The following TNIK variants were observed in gnomAD, a reference collection of about 807,000 sequenced individuals.
TNIK encodes the protein TRAF2 and NCK-interacting protein kinase.
In TNIK, 49 loss-of-function variants were observed where a neutral mutation model predicts 191.3. That is an observed-to-expected ratio of 0.26 (90% CI 0.20 to 0.32). TNIK has a LOEUF of 0.32. Ranked by LOEUF, TNIK falls within the 10% of genes least tolerant of loss-of-function variation. The probability of loss-of-function intolerance (pLI) is 1.00; values close to 1 mark genes in which losing one functional copy is unlikely to be tolerated. For synonymous variants in TNIK, 594 were observed against 600.9 expected, an observed-to-expected ratio of 0.99 and a Z score of 0.17; for missense variants, 1,155 against 1,702.3, an observed-to-expected ratio of 0.68 and a Z score of 5.66.
At chr3:171,283,157 C>CT (rs956338534) in intron 2 of TNIK, among the ~76,000 whole-genome samples, 8 of 134,764 alleles carry the variant, frequency 5.9e-5, no homozygotes, top group Non-Finnish European at 1.1e-4. Context: ...TTTATACCTA[C>CT]TTTAAAAAAA....
At chr3:171,311,758 A>AT (rs1754043185) in intron 2 of TNIK, among the ~76,000 whole-genome samples, 1 of 152,220 alleles carries the variant, frequency 6.6e-6, no homozygotes, top group Non-Finnish European at 1.5e-5. Context: ...GAGTGGAAGA[A>AT]TAGAACAAAT....
intron 2 of TNIK, among the ~76,000 whole-genome samples, chr3:171,316,151 C>G (rs1157636854): frequency 6.6e-6 from 1 of 152,142 alleles, no homozygotes; most frequent in African/African-American, 2.4e-5. Flanking sequence ...TGCCAGAAGA[C>G]TGTAAGCTCC....
chr3:171,388,796 A>C (rs10936680), intron 1 of TNIK, among the ~76,000 whole-genome samples: 75,597 of 152,068 alleles, frequency 0.5, 19,527 homozygotes, highest in African/African-American at 0.58. Context: ...TTTGTGTTCT[A>C]ACAGTATTTG....
At chr3:171,113,604 T>G (rs1176861059) in intron 18 of TNIK, among the ~76,000 whole-genome samples, 3 of 150,268 alleles carry the variant, frequency 2.0e-5, no homozygotes, top group Admixed American at 6.7e-5. Flanking sequence ...AGACTCTGTC[T>G]GTCTCGAAAA....
intron 2 of TNIK, among the ~76,000 whole-genome samples, chr3:171,297,080 G>T (rs1370375408): frequency 6.6e-6 from 1 of 152,114 alleles, no homozygotes; most frequent in East Asian, 1.9e-4. Context: ...CAAGATCCTA[G>T]GTATCTGGAC....
chr3:171,161,002 C>T (rs909236980), intron 11 of TNIK, among the ~76,000 whole-genome samples: 5 of 152,170 alleles, frequency 3.3e-5, no homozygotes, highest in African/African-American at 4.8e-5. Context: ...ACCCATTCTA[C>T]GTGTTACATA....
At chr3:171,132,973 T>TAACTTTTAA (rs983627436) in intron 15 of TNIK, among the ~76,000 whole-genome samples, 5 of 152,244 alleles carry the variant, frequency 3.3e-5, no homozygotes, top group African/African-American at 1.2e-4. Flanking sequence ...AGCCAGTAAG[T>TAACTTTTAA]AACTTTTAAG....
rs1314329677 is a variant in TNIK, at chr3:171,123,792, A to T, written c.2014-90T>A. Reference sequence around the variant, plus strand: ...ATCCTCCTTTCCAATGATTTGCCAGAAGCCACAGAAACTATCCGAAACAGT... The same window carrying T: ...ATCCTCCTTTCCAATGATTTGCCAGTAGCCACAGAAACTATCCGAAACAGT... On this transcript the variant is annotated intron_variant, in intron 17 of 32. Coordinates refer to ENST00000436636, the MANE Select transcript of TNIK (RefSeq NM_015028.4). 6.4e-6 allele frequency: 6 copies of T among 932,474 alleles called. No individual in the cohort carries two copies. The Admixed American group carries it at 1.3e-4, about 21-fold the overall frequency. 57.8% of individuals were successfully genotyped at this position (932,474 alleles called of 1,614,324 possible).
chr3:171,194,453 T>A, intron 5 of TNIK, 72 bp downstream of exon 5: 1 of 1,345,876 alleles, frequency 7.4e-7, no homozygotes, highest in Non-Finnish European at 1.0e-6. Context: ...AGAAAAAAAT[T>A]CAATCCCTCA....
rs562382297 is a variant in TNIK, at chr3:171,170,090, A to T, written c.774-2820T>A. Among the ~76,000 whole-genome samples the T allele has an allele frequency of 2.0e-5, 3 of 152,364 alleles. No individual in the cohort carries two copies. The South Asian group carries it at 6.2e-4, about 32-fold the overall frequency. On this transcript the variant is annotated intron_variant, in intron 9 of 32. Transcript: ENST00000436636. ...GTTTGCTGAGTGTTCTAATGAGTTT[A>T]AAGTACATTTATATAACTTTATTGC...
In TNIK at chr3:171,140,415, C is replaced by A; in HGVS notation, c.1316G>T (p.Arg439Leu). Reference sequence around the variant, plus strand: ...CAGCTGTACCTGTTCATGCTCCGCACGCCTCCTCTCCTCCTCCCGGCGCAT... The same window carrying A: ...CAGCTGTACCTGTTCATGCTCCGCAAGCCTCCTCTCCTCCTCCCGGCGCAT... ...EQMRREEERR[R>L]AEHEQEYIRR... Residue 439 changes from arginine (R) to leucine (L), a missense_variant, in exon 13 of 33, where the codon CGT becomes CTT. Arg to Leu is a moderately radical substitution (Grantham distance 102). Transcript: ENST00000436636. The A allele has an allele frequency of 1.2e-6, 2 of 1,601,048 alleles. No homozygotes were observed. Among genetic ancestry groups the A allele is most frequent in the East Asian group, 2.2e-5 (1 of 44,462 alleles).
chr3:171,222,925 AAAAAGAAAAG>A (rs200299906), intron 3 of TNIK, among the ~76,000 whole-genome samples: 2 of 152,152 alleles, frequency 1.3e-5, no homozygotes, highest in Non-Finnish European at 1.5e-5. Context: ...CTTGGTTTAA[AAAAAGAAAAG>A]AAAAGAAAAG....
At chr3:171,379,898 A>C (rs1717782444) in intron 1 of TNIK, among the ~76,000 whole-genome samples, 1 of 152,070 alleles carries the variant, frequency 6.6e-6, no homozygotes, top group African/African-American at 2.4e-5. Flanking sequence ...AATCCCAGCT[A>C]CTCAGGAGGC....
chr3:171,319,115 G>A (rs1577462787), intron 2 of TNIK, among the ~76,000 whole-genome samples: 1 of 152,158 alleles, frequency 6.6e-6, no homozygotes, highest in Admixed American at 6.6e-5. Flanking sequence ...GGATTTCGAA[G>A]CTGCCGTGAG....
chr3:171,277,563 A>G (rs1749905553), intron 2 of TNIK, among the ~76,000 whole-genome samples: 1 of 152,192 alleles, frequency 6.6e-6, no homozygotes, highest in African/African-American at 2.4e-5. Context: ...GCAACTTACC[A>G]GAGGAGTTTC....
intron 2 of TNIK, among the ~76,000 whole-genome samples, chr3:171,239,082 T>C (rs1744645596): frequency 6.6e-6 from 1 of 152,234 alleles, no homozygotes; most frequent in Non-Finnish European, 1.5e-5. Context: ...TGGCTAATTA[T>C]GTTAATTTTA....
intron 2 of TNIK, among the ~76,000 whole-genome samples, chr3:171,236,617 C>T (rs1171128413): frequency 6.6e-6 from 1 of 152,164 alleles, no homozygotes; most frequent in Admixed American, 6.5e-5. Flanking sequence ...CGAGCTGGTA[C>T]TAACTAGAGG....
intron 2 of TNIK, among the ~76,000 whole-genome samples, chr3:171,300,392 T>C (rs934451067): frequency 3.9e-5 from 6 of 152,172 alleles, no homozygotes; most frequent in African/African-American, 1.4e-4. Context: ...ATGACATATC[T>C]TGAAGGTTGT....
At position 171,378,634 on chromosome 3, in the gene TNIK, T is replaced by C. The variant is rs528919871; in HGVS notation, c.58-8949A>G. Reference sequence around the variant, plus strand: ...GACATCAGAGATATTCAATAAATATTATCTGGATGGAGCAAGTCCTCACAT... The same window carrying C: ...GACATCAGAGATATTCAATAAATATCATCTGGATGGAGCAAGTCCTCACAT... On this transcript the variant is annotated intron_variant, in intron 1 of 32. Transcript: ENST00000436636. Among the ~76,000 whole-genome samples the C allele has an allele frequency of 1.5e-4, 23 of 152,286 alleles. 1 individual carries two copies. Among genetic ancestry groups the C allele is most frequent in the African/African-American group, 5.5e-4 (23 of 41,564 alleles).
Sources: allele counts gnomAD v4.1 joint callset (sites outside exome capture counted in the v4.1 genomes callset), GRCh38; gene constraint gnomAD v4.1.1; transcripts MANE v1.5; gene names NCBI Gene and HGNC (gene_info 2026-07-23, HGNC 2026-07-21).